Variants in CENPE observed in about 807,000 individuals in gnomAD.
The protein encoded by CENPE is centromere protein E, also known as centromere-associated protein E.
In CENPE, 145 loss-of-function variants were observed where a neutral mutation model predicts 336.1. The ratio of observed to expected loss-of-function variants is 0.43; its 90% CI spans 0.38 to 0.50. The LOEUF is 0.50. Among genes scored for constraint, CENPE ranks in the 20% least tolerant of loss-of-function variants. CENPE has a pLI of 0.00. For synonymous variants in CENPE, 1,013 were observed against 984.8 expected, an observed-to-expected ratio of 1.03 and a Z score of -0.54; for missense variants, 2,719 against 3,023.3, an observed-to-expected ratio of 0.90 and a Z score of 2.36.
chr4:103,140,546 A>G, intron 36 of CENPE, 132 bp from the exon 37 acceptor site: 1 of 731,166 alleles, frequency 1.4e-6, no homozygotes, highest in Non-Finnish European at 2.1e-6. Context: ...AACCTCCTAA[A>G]TTAGAAGAGT....
In CENPE at chr4:103,147,411, G is replaced by A; in HGVS notation, c.4079C>T (p.Ala1360Val). The A allele has an allele frequency of 6.2e-7, 1 of 1,612,992 alleles. No individual in the cohort carries two copies. The highest frequency in any genetic ancestry group is 8.5e-7 in the Non-Finnish European group (1 of 1,179,862). ...CAGCTGGTCATGTTTAACTTCAAGG[G>A]CTTCTTTTATCGTTTTAAGGTTGTC... Reference protein sequence around the residue: ...ERDNLKTIKEALEVKHDQLKE... With the variant: ...ERDNLKTIKEVLEVKHDQLKE... The change falls in exon 29 of 49, where the codon GCC (alanine) becomes GTC (valine). Residue 1360 changes from alanine (A) to valine (V), a missense_variant. Physicochemically the swap from Ala to Val is moderately conservative, Grantham distance 64 (BLOSUM62 0). Around this residue, in one of 5 missense-constraint regions of CENPE, gnomAD observed 2,437 missense variants for 2,513.3 expected, o/e 0.97. Transcript: ENST00000265148.
At chr4:103,149,448 A>G in intron 26 of CENPE, 40 bp from the exon 27 acceptor site, 1 of 1,483,356 alleles carries the variant, frequency 6.7e-7, no homozygotes, top group Non-Finnish European at 9.0e-7. Flanking sequence ...TTTTACTTAT[A>G]TTCTCAAAAT....
At chr4:103,148,077 T>C (rs1006187732) in intron 28 of CENPE, among the ~76,000 whole-genome samples, 1 of 152,220 alleles carries the variant, frequency 6.6e-6, no homozygotes, top group African/African-American at 2.4e-5. Flanking sequence ...CAGGCCTACC[T>C]TGGATCACAA....
intron 24 of CENPE, among the ~76,000 whole-genome samples, chr4:103,156,906 TA>T (rs543913060): frequency 2.0e-5 from 3 of 151,608 alleles, no homozygotes; most frequent in Non-Finnish European, 4.4e-5. Context: ...CAACCCAGTA[TA>T]AAAATGGGAA....
chr4:103,111,587 G>A (rs1199527387), intron 46 of CENPE, among the ~76,000 whole-genome samples: 2 of 152,170 alleles, frequency 1.3e-5, no homozygotes, highest in Admixed American at 1.3e-4. Context: ...TAATCCATTA[G>A]GTCACTGGGA....
chr4:103,181,795 A>G (rs1756345664), intron 11 of CENPE: 1 of 175,942 alleles, frequency 5.7e-6, no homozygotes, highest in South Asian at 1.3e-4. Flanking sequence ...TTTAAACTCT[A>G]TACTAGTTAT....
intron 47 of CENPE, among the ~76,000 whole-genome samples, chr4:103,110,275 G>A (rs1430305909): frequency 2.0e-5 from 3 of 152,098 alleles, no homozygotes; most frequent in East Asian, 1.9e-4. Context: ...CCTAGATAAC[G>A]TTGGATCTCT....
Position 103,145,675 on chromosome 4 carries a change from C to A in CENPE, c.4420G>T (p.Glu1474Ter). 2 of 1,581,444 alleles carry A rather than the reference C, an allele frequency of 1.3e-6. No individual in the cohort carries two copies. Residue 1474 changes from glutamate to a stop codon, truncating the protein, a stop_gained, in exon 31 of 49, where the codon GAA (glutamate) becomes TAA (stop). Coordinates refer to ENST00000265148, the MANE Select transcript of CENPE (RefSeq NM_001813.3). LOFTEE classifies it high-confidence loss of function. Reference protein sequence around the residue: ...NIKEIVAKHLETEEELKVAHC... With the variant: ...NIKEIVAKHL The stretch of plus-strand genomic sequence containing the variant: ...GCAACTTTAAGTTCCTCTTCAGTTT[C>A]CAGGTGCTTTATTATTAGAGGAAAT...
At chr4:103,140,559 AGTAAAATTTTCTGCTG>A in intron 36 of CENPE, 145 bp from the exon 37 acceptor site, 1 of 698,000 alleles carries the variant, frequency 1.4e-6, no homozygotes, top group South Asian at 2.5e-5. Context: ...AGAAGAGTAA[AGTAAAATTTTCTGCTG>A]GTAGCCTCAC....
At position 103,163,188 on chromosome 4, in the gene CENPE, G is replaced by A. The variant is rs771753154; in HGVS notation, c.1791C>T (p.Tyr597=). 25 of 1,608,340 alleles carry A rather than the reference G, an allele frequency of 1.6e-5. No homozygotes were observed. Among genetic ancestry groups the A allele is most frequent in the Non-Finnish European group, 1.4e-5 (16 of 1,175,838 alleles). Reference sequence around the variant, plus strand: ...TATTTTCTAGCTTTTGAGAGTCTATGTATTCCTGTAGCTTCTTAATCTGGT... The same window carrying A: ...TATTTTCTAGCTTTTGAGAGTCTATATATTCCTGTAGCTTCTTAATCTGGT... ...KEDQIKKLQE[Y]IDSQKLENIK... Residue 597 remains tyrosine, a synonymous_variant, in exon 18 of 49, where the codon TAC becomes TAT. Transcript: ENST00000265148.
chr4:103,140,169 A>G (rs1464584437), intron 37 of CENPE, 87 bp downstream of exon 37: 11 of 1,443,058 alleles, frequency 7.6e-6, no homozygotes, highest in Non-Finnish European at 9.4e-6. Flanking sequence ...GCACATATCT[A>G]TCTACATATC....
Position 103,145,917 on chromosome 4 carries a change from T to A in CENPE, c.4325A>T (p.Lys1442Met). 6.2e-7 allele frequency: 1 copy of A among 1,613,960 alleles called. No individual in the cohort carries two copies. The highest frequency in any genetic ancestry group is 8.5e-7 in the Non-Finnish European group (1 of 1,179,936). The change falls in exon 30 of 49, where the codon AAG becomes ATG. Residue 1442 changes from lysine to methionine, a missense_variant. Around this residue, in one of 5 missense-constraint regions of CENPE, gnomAD observed 2,437 missense variants for 2,513.3 expected, o/e 0.97. Transcript: ENST00000265148. ...ESHDEMKSVA[K>M]EKDDLQRLQE... ...CAGCCTCTGTAGGTCATCTTTCTCC[T>A]TAGCTACAGATTTCATTTCATCATG...
At chr4:103,137,875 C>T (rs531827446) in intron 39 of CENPE, among the ~76,000 whole-genome samples, 6 of 152,210 alleles carry the variant, frequency 3.9e-5, no homozygotes, top group South Asian at 2.1e-4. Context: ...GTTTCTCTTG[C>T]GGTAAAAATT....
chr4:103,161,359 T>G lies in CENPE; in HGVS notation c.1941A>C (p.Glu647Asp), dbSNP rs761115610. The change falls in exon 19 of 49, where the codon GAA becomes GAC. Residue 647 changes from glutamate to aspartate, a missense_variant. Glu to Asp is a conservative substitution (Grantham distance 45). Transcript: ENST00000265148. ...CCATTTTCTCCTTCAGCTCCAGATT[T>G]TCACTTCTAAGAAAGGCTGATTCTC... ...AKRESAFLRS[E>D]NLELKEKMKE... The G allele has an allele frequency of 3.7e-6, 6 of 1,611,354 alleles. No individual in the cohort carries two copies. The highest frequency in any genetic ancestry group is 1.3e-5 in the African/African-American group (1 of 74,804).
intron 13 of CENPE, 114 bp from the exon 14 acceptor site, chr4:103,177,160 C>T (rs1755941188): frequency 1.2e-6 from 1 of 856,550 alleles, no homozygotes; most frequent in Non-Finnish European, 1.7e-6. Flanking sequence ...TCTTATTAAG[C>T]CTAGTTTAAA....
At chr4:103,158,955 A>T (rs1754191014) in intron 22 of CENPE, 55 bp downstream of exon 22, 1 of 1,537,838 alleles carries the variant, frequency 6.5e-7, no homozygotes, top group East Asian at 2.2e-5. Flanking sequence ...TATATACAGA[A>T]ACCAAAACCC....
chr4:103,174,974 AT>A (rs564138736), intron 15 of CENPE, 71 bp from the exon 16 acceptor site: 11 of 938,306 alleles, frequency 1.2e-5, no homozygotes, highest in Non-Finnish European at 1.5e-5. Context: ...TAAAATTTGA[AT>A]TATTTAAATA....
chr4:103,125,237 T>C lies in CENPE; in HGVS notation c.6925-2148A>G, dbSNP rs188476326. On this transcript the variant is annotated intron_variant, in intron 42 of 48. Coordinates refer to ENST00000265148, the MANE Select transcript of CENPE (RefSeq NM_001813.3). Reference sequence around the variant, plus strand: ...AAATTAAATTGTCAGAAAAGAACTATCCAAACATATGAACTATAAAATGTA... The same window carrying C: ...AAATTAAATTGTCAGAAAAGAACTACCCAAACATATGAACTATAAAATGTA... 3.0e-3 allele frequency among the ~76,000 whole-genome samples: 457 copies of C among 152,290 alleles called. 1 individual carries two copies. The highest frequency in any genetic ancestry group is 4.8e-3 in the Non-Finnish European group (329 of 68,018).
chr4:103,187,653 A>C (rs1351910838), intron 8 of CENPE, among the ~76,000 whole-genome samples: 2 of 152,236 alleles, frequency 1.3e-5, no homozygotes, highest in Non-Finnish European at 2.9e-5. Context: ...AGGAAGCACT[A>C]AACATGGAAA....
Sources: gnomAD v4.1 joint callset for allele counts (sites outside exome capture counted in the v4.1 genomes callset) on GRCh38, gnomAD v4.1.1 for gene constraint, gnomAD v4.1.1 regional missense constraint, MANE v1.5 for transcripts, NCBI Gene and HGNC (gene_info 2026-07-23, HGNC 2026-07-21) for gene names.